Variants in ARFGAP3 observed in about 807,000 individuals in gnomAD.
The protein encoded by ARFGAP3 is ARF GTPase activating protein 3.
Under a neutral mutation model 75.0 loss-of-function variants are expected in ARFGAP3, and 72 were observed. The ratio of observed to expected loss-of-function variants is 0.96; its 90% confidence interval spans 0.79 to 1.17. The LOEUF (loss-of-function observed/expected upper bound fraction) is 1.17, where lower values mean the gene tolerates loss of function less well. Among genes scored for constraint, ARFGAP3 ranks in the 50% most tolerant of loss-of-function variants. The pLI is 0.00. For synonymous variants in ARFGAP3, 221 were observed against 217.9 expected (o/e 1.01, Z -0.13); for missense variants, 620 against 626.6 (o/e 0.99, Z 0.11).
chr22:42,831,777 T>C, intron 5 of ARFGAP3, 141 bp from the exon 6 acceptor site: 1 of 1,451,498 alleles, frequency 6.9e-7, no homozygotes, highest in Non-Finnish European at 9.1e-7. Flanking sequence ...ATATCTACTT[T>C]TTTCTTGCTT....
chr22:42,848,024 C>T (rs1927100162), intron 1 of ARFGAP3, among the ~76,000 whole-genome samples: 1 of 151,032 alleles, frequency 6.6e-6, no homozygotes, highest in Admixed American at 6.6e-5. Flanking sequence ...ACCACTATAC[C>T]CAACTAATTT....
intron 11 of ARFGAP3, among the ~76,000 whole-genome samples, chr22:42,812,853 A>G (rs1050259436): frequency 1.3e-5 from 2 of 152,254 alleles, no homozygotes; most frequent in Non-Finnish European, 2.9e-5. Flanking sequence ...TTCAAAGTGT[A>G]TCTGGATTTC....
intron 11 of ARFGAP3, among the ~76,000 whole-genome samples, chr22:42,814,368 C>T (rs1925490655): frequency 6.6e-6 from 1 of 152,164 alleles, no homozygotes; most frequent in African/African-American, 2.4e-5. Context: ...GGTCACCATG[C>T]CAAGGAGGAC....
chr22:42,817,248 C>T lies in ARFGAP3; in HGVS notation c.958G>A (p.Val320Met). The T allele has an allele frequency of 6.2e-7, 1 of 1,609,472 alleles. No individual in the cohort carries two copies. Among genetic ancestry groups the T allele is most frequent in the Non-Finnish European group, 8.5e-7 (1 of 1,177,784 alleles). ...GNCRSVISHS[V>M]TSDMQTIEQE... ...TCTATGGTCTGCATATCTGAAGTCA[C>T]TGAATGTGAAATAACACTTGAGAAA... The change falls in exon 11 of 16, where the codon GTG becomes ATG. Residue 320 changes from valine (V) to methionine (M), a missense_variant. Transcript: ENST00000263245.
chr22:42,833,322 C>G (rs1240184440), intron 5 of ARFGAP3, among the ~76,000 whole-genome samples: 1 of 152,170 alleles, frequency 6.6e-6, no homozygotes, highest in African/African-American at 2.4e-5. Flanking sequence ...TTTCAGAGCT[C>G]TGAACTGAAC....
chr22:42,849,748 T>TGGG (rs1339586746), intron 1 of ARFGAP3, among the ~76,000 whole-genome samples: 1 of 151,406 alleles, frequency 6.6e-6, no homozygotes, highest in Non-Finnish European at 1.5e-5. Flanking sequence ...TTTGTAGAGA[T>TGGG]GGGGGTCTTG....
chr22:42,816,709 C>T (rs1387930656), intron 11 of ARFGAP3, among the ~76,000 whole-genome samples: 2 of 152,142 alleles, frequency 1.3e-5, no homozygotes, highest in Admixed American at 1.3e-4. Flanking sequence ...AATACACACA[C>T]CCATAGAGTT....
At chr22:42,797,755 G>C in intron 15 of ARFGAP3, 150 bp from the exon 16 acceptor site, 1 of 1,551,852 alleles carries the variant, frequency 6.4e-7, no homozygotes, top group East Asian at 2.3e-5. Context: ...TGCTCATCTG[G>C]AAGCAGCCAT....
intron 12 of ARFGAP3, among the ~76,000 whole-genome samples, chr22:42,810,357 G>A (rs771176679): frequency 1.3e-5 from 2 of 152,114 alleles, no homozygotes. Context: ...TCAGCTACTC[G>A]GGAGGCTGAG....
intron 2 of ARFGAP3, among the ~76,000 whole-genome samples, chr22:42,844,024 C>T (rs187573501): frequency 3.3e-5 from 5 of 152,266 alleles, no homozygotes; most frequent in Admixed American, 3.3e-4. Flanking sequence ...AGAAAAAAAA[C>T]TCCAGTTAAA....
At chr22:42,804,523 A>G (rs531783778) in intron 14 of ARFGAP3, among the ~76,000 whole-genome samples, 1 of 152,094 alleles carries the variant, frequency 6.6e-6, no homozygotes, top group African/African-American at 2.4e-5. Flanking sequence ...CTGGGACTAC[A>G]GGCACATGCC....
At chr22:42,798,471 T>C (rs1284401392) in intron 15 of ARFGAP3, among the ~76,000 whole-genome samples, 1 of 151,666 alleles carries the variant, frequency 6.6e-6, no homozygotes, top group Non-Finnish European at 1.5e-5. Context: ...TCGTCACAGA[T>C]GGCCTCGACT....
rs866702455 is a variant in ARFGAP3, at chr22:42,835,481, G to GA, written c.273dup (p.His92SerfsTer9). On this transcript the variant is annotated frameshift_variant, in exon 4 of 16. Coordinates refer to ENST00000263245, the MANE Select transcript of ARFGAP3 (RefSeq NM_014570.5). LOFTEE classifies it high-confidence loss of function. Reference sequence around the variant, plus strand: ...TCATTGGTGGAACACCCATGTTGATGAAAAAAGGAAGACTACAGAGAAAAG... The same window carrying GA: ...TCATTGGTGGAACACCCATGTTGATGAAAAAAAGGAAGACTACAGAGAAAAG... 1.5e-5 allele frequency: 25 copies of GA among 1,613,060 alleles called. No homozygotes were observed. The highest frequency in any genetic ancestry group is 2.1e-5 in the Non-Finnish European group (25 of 1,179,644).
At chr22:42,819,539 C>T (rs902236529) in intron 9 of ARFGAP3, among the ~76,000 whole-genome samples, 10 of 152,132 alleles carry the variant, frequency 6.6e-5, no homozygotes, top group Non-Finnish European at 1.2e-4. Context: ...GGAGTGCTTA[C>T]GGGTACTGGC....
intron 1 of ARFGAP3, among the ~76,000 whole-genome samples, chr22:42,856,059 A>C (rs1927483461): frequency 6.6e-6 from 1 of 152,038 alleles, no homozygotes; most frequent in Non-Finnish European, 1.5e-5. Context: ...TAAATAAATA[A>C]AAATGTGAAA....
intron 6 of ARFGAP3, among the ~76,000 whole-genome samples, chr22:42,829,677 T>C (rs979392009): frequency 1.3e-5 from 2 of 152,238 alleles, no homozygotes; most frequent in African/African-American, 4.8e-5. Context: ...GTCTTCACTT[T>C]AAAGTATTTT....
At chr22:42,845,553 A>T (rs796475803) in intron 2 of ARFGAP3, among the ~76,000 whole-genome samples, 1 of 151,278 alleles carries the variant, frequency 6.6e-6, no homozygotes, top group Non-Finnish European at 1.5e-5. Context: ...CAAAACAACA[A>T]CAACAAAAAA....
chr22:42,832,326 G>A lies in ARFGAP3; in HGVS notation c.478-690C>T, dbSNP rs561852908. ...GCAGATCACCTGAGGTCAGGAGTTC[G>A]AGACCAGACTGGCCAATATGGTGAA... On this transcript the variant is annotated intron_variant, in intron 5 of 15. Transcript: ENST00000263245. 1.4e-4 allele frequency among the ~76,000 whole-genome samples: 22 copies of A among 151,928 alleles called. No homozygotes were observed. The South Asian group carries it at 4.4e-3, about 30-fold the overall frequency.
chr22:42,846,915 T>G (rs1927045490), intron 2 of ARFGAP3, among the ~76,000 whole-genome samples: 1 of 152,204 alleles, frequency 6.6e-6, no homozygotes, highest in South Asian at 2.1e-4. Flanking sequence ...TTCTTACAGT[T>G]AAGGAGGCTG....
Sources: allele counts gnomAD v4.1 joint callset (sites outside exome capture counted in the v4.1 genomes callset), GRCh38; gene constraint gnomAD v4.1.1; transcripts MANE v1.5; gene names NCBI Gene and HGNC (gene_info 2026-07-23, HGNC 2026-07-21).